The following HPSE2 variants were observed in gnomAD, a reference collection of about 807,000 sequenced individuals.
HPSE2 encodes inactive heparanase-2.
A neutral mutation model predicts 60.5 loss-of-function variants in HPSE2; 38 were observed. That is an observed-to-expected ratio of 0.63 (90% CI 0.48 to 0.82). The LOEUF (loss-of-function observed/expected upper bound fraction) is 0.82. Ranked by LOEUF, HPSE2 falls within the 40% of genes least tolerant of loss-of-function variation. The pLI is 0.00. For synonymous variants in HPSE2, 295 were observed against 293.2 expected, an observed-to-expected ratio of 1.01 and a Z score of -0.06; for missense variants, 713 against 740.4, an observed-to-expected ratio of 0.96 and a Z score of 0.43.
intron 6 of HPSE2, among the ~76,000 whole-genome samples, chr10:98,688,829 G>C (rs1478475471): frequency 1.3e-5 from 2 of 151,882 alleles, no homozygotes; most frequent in South Asian, 2.1e-4. Flanking sequence ...ATAAAAAAAA[G>C]TCTTTATTTA....
At chr10:98,568,740 C>T (rs1001685021) in intron 9 of HPSE2, among the ~76,000 whole-genome samples, 2 of 152,134 alleles carry the variant, frequency 1.3e-5, no homozygotes, top group Non-Finnish European at 2.9e-5. Flanking sequence ...CTAGCCACAC[C>T]AGGATGTTTT....
In HPSE2 at chr10:98,915,294, C is replaced by T. The variant is rs1954088231; in HGVS notation, c.611-171238G>A. Among the ~76,000 whole-genome samples, 3 of 151,740 alleles carry T rather than the reference C, an allele frequency of 2.0e-5. No homozygotes were observed. In the South Asian group the frequency reaches 6.3e-4, roughly 32 times the overall value. ...TCCCGAGTAGCTAAGACTACAGGCA[C>T]CCACCACCATGCCCGGCTAATTTTT... is the stretch of plus-strand genomic sequence containing the variant. On this transcript the variant is annotated intron_variant, in intron 3 of 11. Transcript: ENST00000370552.
chr10:98,531,776 G>A (rs1171146489), intron 9 of HPSE2, among the ~76,000 whole-genome samples: 2 of 151,972 alleles, frequency 1.3e-5, no homozygotes, highest in South Asian at 2.1e-4. Context: ...TTTAACACAG[G>A]AAGCCCCCTG....
chr10:98,629,031 CCT>C (rs1360175621), intron 7 of HPSE2, among the ~76,000 whole-genome samples: 6 of 152,198 alleles, frequency 3.9e-5, no homozygotes, highest in Non-Finnish European at 7.3e-5. Flanking sequence ...TGATCTAAGT[CCT>C]TTAAAAAGAC....
At chr10:99,017,466 G>A (rs575649546) in intron 3 of HPSE2, among the ~76,000 whole-genome samples, 2 of 152,230 alleles carry the variant, frequency 1.3e-5, no homozygotes, top group South Asian at 4.1e-4. Context: ...TGTTCATCAA[G>A]GATATTGCCC....
At chr10:99,192,725 T>C (rs1006738259) in intron 2 of HPSE2, among the ~76,000 whole-genome samples, 38 of 152,188 alleles carry the variant, frequency 2.5e-4, no homozygotes, top group Admixed American at 2.5e-3. Flanking sequence ...CTACTGTGCC[T>C]GGGCAGCATT....
At chr10:98,834,007 A>G (rs1407476455) in intron 3 of HPSE2, among the ~76,000 whole-genome samples, 1 of 152,114 alleles carries the variant, frequency 6.6e-6, no homozygotes, top group African/African-American at 2.4e-5. Flanking sequence ...GGTACCAAAT[A>G]CCTTTAAAAT....
At chr10:98,844,189 T>G (rs937605639) in intron 3 of HPSE2, among the ~76,000 whole-genome samples, 2 of 152,152 alleles carry the variant, frequency 1.3e-5, no homozygotes, top group Non-Finnish European at 1.5e-5. Flanking sequence ...TCTTCCAGCT[T>G]TGGTATTTTC....
chr10:98,921,548 C>A (rs1054677188), intron 3 of HPSE2, among the ~76,000 whole-genome samples: 3 of 152,160 alleles, frequency 2.0e-5, no homozygotes, highest in African/African-American at 4.8e-5. Flanking sequence ...TTTTAACAGA[C>A]AATTTGTGCT....
chr10:98,937,964 T>A (rs1428351165), intron 3 of HPSE2, among the ~76,000 whole-genome samples: 1 of 143,724 alleles, frequency 7.0e-6, no homozygotes, highest in Non-Finnish European at 1.5e-5. Flanking sequence ...CCTCTGCTGA[T>A]ACCCAGGCAA....
intron 3 of HPSE2, among the ~76,000 whole-genome samples, chr10:99,086,431 C>A (rs906061189): frequency 4.0e-4 from 53 of 133,164 alleles, no homozygotes; most frequent in African/African-American, 1.4e-3. Context: ...CGGCTCACTG[C>A]AAGCTCCGCC....
chr10:99,184,786 T>TTATCTATA (rs1847913173), intron 2 of HPSE2, among the ~76,000 whole-genome samples: 1 of 25,284 alleles, frequency 4.0e-5, no homozygotes, highest in Non-Finnish European at 7.4e-5. Context: ...CTATCCAAAA[T>TTATCTATA]TATATATATA....
At position 99,167,179 on chromosome 10, in the gene HPSE2, T is replaced by G. The variant is rs138634147; in HGVS notation, c.449-22780A>C. Among the ~76,000 whole-genome samples the G allele has an allele frequency of 9.1e-3, 1,390 of 152,028 alleles. 17 individuals are homozygous for G. Among genetic ancestry groups the G allele is most frequent in the African/African-American group, 0.031 (1,298 of 41,436 alleles). On this transcript the variant is annotated intron_variant, in intron 2 of 11. Transcript: ENST00000370552. ...GCGTGTGCCACCACACCTGGCTAATTTTTGTATTTTTAGCAGAGACGGAGT... is the reference window on the plus strand; with the variant it reads ...GCGTGTGCCACCACACCTGGCTAATGTTTGTATTTTTAGCAGAGACGGAGT...
chr10:99,176,081 C>A (rs986928902), intron 2 of HPSE2, among the ~76,000 whole-genome samples: 5 of 152,122 alleles, frequency 3.3e-5, no homozygotes, highest in Non-Finnish European at 5.9e-5. Flanking sequence ...TCAACATCAA[C>A]AAAAAGGACA....
chr10:99,017,204 C>T (rs1164267746), intron 3 of HPSE2, among the ~76,000 whole-genome samples: 2 of 151,998 alleles, frequency 1.3e-5, no homozygotes, highest in Admixed American at 1.3e-4. Flanking sequence ...TATGTTCCTT[C>T]GATACCTAGT....
At chr10:99,239,423 T>G (rs1261980771), upstream of HPSE2, among the ~76,000 whole-genome samples, 2 of 125,546 alleles carry the variant, frequency 1.6e-5, no homozygotes, top group African/African-American at 3.1e-5. Context: ...TCAAGGTTTT[T>G]TTTTTTTTTT....
intron 3 of HPSE2, among the ~76,000 whole-genome samples, chr10:98,877,276 C>T (rs1177075965): frequency 2.6e-5 from 4 of 151,828 alleles, no homozygotes; most frequent in African/African-American, 4.8e-5. Flanking sequence ...TGCTTCCTAT[C>T]ACCATGACTT....
intron 2 of HPSE2, among the ~76,000 whole-genome samples, chr10:99,147,664 A>C (rs1045171432): frequency 6.6e-6 from 1 of 152,236 alleles, no homozygotes; most frequent in South Asian, 2.1e-4. Context: ...TTAGAAAAGC[A>C]GATTTCAAAA....
chr10:99,133,493 G>A (rs768371407), intron 3 of HPSE2, among the ~76,000 whole-genome samples: 8 of 152,180 alleles, frequency 5.3e-5, no homozygotes, highest in Non-Finnish European at 1.0e-4. Context: ...GGAGAGCTCT[G>A]GTTGGCATTT....
Sources: allele counts gnomAD v4.1 joint callset (sites outside exome capture counted in the v4.1 genomes callset), GRCh38; gene constraint gnomAD v4.1.1; transcripts MANE v1.5; gene names NCBI Gene and HGNC (gene_info 2026-07-23, HGNC 2026-07-21).